Variants in OCA2 observed in about 807,000 individuals in gnomAD.
The protein encoded by OCA2 is OCA2 melanosomal transmembrane protein, also known as P protein.
OCA2 carries 77 observed loss-of-function variants against 100.2 expected under a neutral mutation model. The observed-to-expected ratio is 0.77, with a 90% CI of 0.64 to 0.93. The LOEUF (loss-of-function observed/expected upper bound fraction) is 0.93, where lower values mean the gene tolerates loss of function less well. OCA2 is among the 40% of genes least tolerant of loss of function. The pLI is 0.00. For missense variants in OCA2, 1,062 were observed against 1,089.1 expected (o/e 0.98, Z 0.35); for synonymous variants, 432 against 439.2 (o/e 0.98, Z 0.21).
Position 28,067,169 on chromosome 15 carries a change from A to G in OCA2, c.227+14479T>C, listed in dbSNP as rs187158582. On this transcript the variant is annotated intron_variant, in intron 2 of 23. Coordinates refer to ENST00000354638, the MANE Select transcript of OCA2 (RefSeq NM_000275.3). ...TTACAGTGTTTGACTTTTCTCATCAATAATATTATTAAGGTGTCAACTCCA... is the reference window on the plus strand; with the variant it reads ...TTACAGTGTTTGACTTTTCTCATCAGTAATATTATTAAGGTGTCAACTCCA... Among the ~76,000 whole-genome samples, 15 of 152,306 alleles carry G rather than the reference A, an allele frequency of 9.8e-5. No homozygotes were observed. The East Asian group carries it at 2.9e-3, about 29-fold the overall frequency.
intron 9 of OCA2, among the ~76,000 whole-genome samples, chr15:28,013,592 G>T (rs889892262): frequency 6.6e-6 from 1 of 152,144 alleles, no homozygotes; most frequent in Non-Finnish European, 1.5e-5. Flanking sequence ...CCAACAGGTT[G>T]CCCAGGGCAG....
chr15:28,081,889 C>G lies in OCA2; in HGVS notation c.-15G>C, dbSNP rs1595927284. ...TCCAGATGCATGCTCCACTGCCAGT[C>G]TTCTCTCTAGGGCAGCCAGAAAGAA... On this transcript the variant is annotated 5_prime_UTR_variant, in exon 2 of 24. Coordinates refer to ENST00000354638, the MANE Select transcript of OCA2 (RefSeq NM_000275.3). The G allele has an allele frequency of 6.2e-7, 1 of 1,605,964 alleles. No homozygotes were observed. Among genetic ancestry groups the G allele is most frequent in the African/African-American group, 1.3e-5 (1 of 74,920 alleles).
chr15:28,085,968 A>T (rs1337731337), intron 1 of OCA2, among the ~76,000 whole-genome samples: 2 of 152,186 alleles, frequency 1.3e-5, no homozygotes, highest in Non-Finnish European at 2.9e-5. Context: ...TCCACTCAGG[A>T]GAGCAAAGGC....
At chr15:28,040,348 C>T (rs761816185) in intron 2 of OCA2, among the ~76,000 whole-genome samples, 3 of 152,086 alleles carry the variant, frequency 2.0e-5, no homozygotes, top group African/African-American at 7.2e-5. Context: ...TTATGTGGTG[C>T]AGTGAAAGCA....
chr15:27,876,358 G>C (rs544071816), intron 19 of OCA2, among the ~76,000 whole-genome samples: 44 of 152,010 alleles, frequency 2.9e-4, no homozygotes, highest in Middle Eastern at 6.8e-3. Context: ...CATTTGATTT[G>C]ATATCTTGTT....
intron 23 of OCA2, among the ~76,000 whole-genome samples, chr15:27,807,972 G>A (rs145078994): frequency 3.3e-5 from 5 of 152,194 alleles, no homozygotes; most frequent in Non-Finnish European, 7.3e-5. Flanking sequence ...CTTGCTCCAC[G>A]ACTTCACACG....
intron 23 of OCA2, among the ~76,000 whole-genome samples, chr15:27,823,166 G>A (rs1347148764): frequency 7.2e-5 from 11 of 152,304 alleles, no homozygotes; most frequent in Admixed American, 2.6e-4. Flanking sequence ...AGCCTTATAC[G>A]TTTGAGCCTG....
At chr15:27,737,848 C>T in the OCA2 span, among the ~76,000 whole-genome samples, 2 of 152,142 alleles carry the variant, frequency 1.3e-5, no homozygotes, top group Non-Finnish European at 2.9e-5. Flanking sequence ...CACAAATTAG[C>T]CAAAGGTCAG....
rs369303466 is a variant in OCA2 at position 27,837,819 on chromosome 15, G to C, written c.2432+7140C>G. On this transcript the variant is annotated intron_variant, in intron 23 of 23. Transcript: ENST00000354638. ...GGAAGGGGAAAAACAGTGAGGGCAGGGGGGGAAATGCAGAATCCTGTAAGA... is the reference window on the plus strand; with the variant it reads ...GGAAGGGGAAAAACAGTGAGGGCAGCGGGGGAAATGCAGAATCCTGTAAGA... 2.6e-5 allele frequency among the ~76,000 whole-genome samples: 4 copies of C among 151,596 alleles called. No individual in the cohort carries two copies. In the South Asian group the frequency reaches 6.3e-4, roughly 24 times the overall value.
At chr15:27,878,961 G>A (rs2036900498) in intron 19 of OCA2, among the ~76,000 whole-genome samples, 2 of 152,032 alleles carry the variant, frequency 1.3e-5, no homozygotes, top group South Asian at 4.1e-4. Flanking sequence ...CATCACGTAG[G>A]TATTAAGCCC....
chr15:27,962,336 T>C (rs1331133174), intron 15 of OCA2, among the ~76,000 whole-genome samples: 4 of 152,200 alleles, frequency 2.6e-5, no homozygotes, highest in South Asian at 2.1e-4. Flanking sequence ...TCATCAGATA[T>C]CCCATGTCTT....
chr15:27,769,828 G>A (rs1035783460), intron 23 of OCA2, among the ~76,000 whole-genome samples: 1 of 149,426 alleles, frequency 6.7e-6, no homozygotes, highest in African/African-American at 2.6e-5. Context: ...CCTTTTCTGT[G>A]CCAGTGGACC....
intron 23 of OCA2, among the ~76,000 whole-genome samples, chr15:27,770,660 A>T (rs1364401357): frequency 6.6e-6 from 1 of 150,564 alleles, no homozygotes; most frequent in African/African-American, 2.5e-5. Context: ...TGGCCTCTGA[A>T]TCCAAGATGG....
intron 19 of OCA2, among the ~76,000 whole-genome samples, chr15:27,900,875 T>C (rs769384163): frequency 2.0e-5 from 3 of 152,198 alleles, no homozygotes; most frequent in African/African-American, 4.8e-5. Context: ...ATGAGAATGA[T>C]GGTTTGGGTC....
At chr15:27,896,485 G>A in intron 19 of OCA2, 1 of 583,596 alleles carries the variant, frequency 1.7e-6, no homozygotes, top group East Asian at 3.1e-5. Flanking sequence ...AAAAAGAAGT[G>A]GAACTGTCCC....
At chr15:27,796,025 T>TGTTA (rs112601612) in intron 23 of OCA2, among the ~76,000 whole-genome samples, 1,876 of 152,354 alleles carry the variant, frequency 0.012, 38 homozygotes, top group African/African-American at 0.042. Context: ...TAATTGAGTT[T>TGTTA]GTTTTTAATG....
At chr15:27,780,992 C>T (rs1373453062) in intron 23 of OCA2, among the ~76,000 whole-genome samples, 1 of 152,190 alleles carries the variant, frequency 6.6e-6, no homozygotes, top group Non-Finnish European at 1.5e-5. Context: ...TCATTCTAAG[C>T]TGAGTGTCTC....
the OCA2 span, among the ~76,000 whole-genome samples, chr15:27,738,719 T>TCAAAA: frequency 1.5e-5 from 1 of 66,250 alleles, no homozygotes. Context: ...AGACTCGGTC[T>TCAAAA]CAGAAAAAAA....
At chr15:27,905,465 G>A (rs368939456) in intron 19 of OCA2, among the ~76,000 whole-genome samples, 2 of 152,210 alleles carry the variant, frequency 1.3e-5, no homozygotes, top group African/African-American at 4.8e-5. Context: ...AGACAGAGGG[G>A]GTGCTGAGGT....
Sources: allele counts gnomAD v4.1 joint callset (sites outside exome capture counted in the v4.1 genomes callset), GRCh38; gene constraint gnomAD v4.1.1; transcripts MANE v1.5; gene names NCBI Gene and HGNC (gene_info 2026-07-23, HGNC 2026-07-21).